The following CCDC192 variants were observed in gnomAD, a reference collection of about 807,000 sequenced individuals.
CCDC192 encodes coiled-coil domain-containing protein 192.
chr5:127,918,090 G>A (rs1580825116), intron 6 of CCDC192, among the ~76,000 whole-genome samples: 1 of 151,904 alleles, frequency 6.6e-6, no homozygotes, highest in African/African-American at 2.4e-5. Flanking sequence ...AGCTGAGATC[G>A]CACCACTGCA....
chr5:127,727,112 C>A (rs560182371), intron 2 of CCDC192, among the ~76,000 whole-genome samples: 1 of 152,162 alleles, frequency 6.6e-6, no homozygotes, highest in Admixed American at 6.5e-5. Context: ...GGGACCCTGA[C>A]AAATAGGGTC....
intron 5 of CCDC192, among the ~76,000 whole-genome samples, chr5:127,826,742 C>T (rs961060187): frequency 6.6e-5 from 10 of 150,454 alleles, no homozygotes; most frequent in Admixed American, 4.7e-4. Context: ...ACGTAATATA[C>T]CCAGGTAACA....
rs533079917 is a variant in CCDC192 at position 127,763,836 on chromosome 5, T to C, written c.222+9461T>C. 2.0e-3 allele frequency among the ~76,000 whole-genome samples: 310 copies of C among 152,288 alleles called. 1 individual carries two copies. Among genetic ancestry groups the C allele is most frequent in the African/African-American group, 6.9e-3 (287 of 41,560 alleles). On this transcript the variant is annotated intron_variant, in intron 3 of 6. Transcript: ENST00000514853. ...CTGCCTAGAATTTCTCTGCTAACTT[T>C]CTCTACTTCCTCTTATCGCCTTACT...
At chr5:127,757,632 T>C (rs1754672957) in intron 3 of CCDC192, among the ~76,000 whole-genome samples, 1 of 151,884 alleles carries the variant, frequency 6.6e-6, no homozygotes, top group African/African-American at 2.4e-5. Flanking sequence ...CTAAGAATGT[T>C]CTTGAGAATA....
chr5:127,912,188 C>G (rs1018628306), intron 6 of CCDC192, among the ~76,000 whole-genome samples: 1 of 151,648 alleles, frequency 6.6e-6, no homozygotes, highest in Admixed American at 6.6e-5. Flanking sequence ...TCTCAGCCTC[C>G]TAAAGTGCTG....
intron 2 of CCDC192, among the ~76,000 whole-genome samples, chr5:127,741,402 T>C (rs916145892): frequency 6.6e-6 from 1 of 152,198 alleles, no homozygotes; most frequent in African/African-American, 2.4e-5. Context: ...GTGACTAGCA[T>C]GTGATATTCC....
At chr5:127,757,106 A>G (rs1410515035) in intron 3 of CCDC192, among the ~76,000 whole-genome samples, 6 of 152,244 alleles carry the variant, frequency 3.9e-5, no homozygotes, top group Non-Finnish European at 7.3e-5. Flanking sequence ...TTTGTGGGAA[A>G]GACATGTAAG....
At chr5:127,926,801 G>T (rs1753874895) in intron 6 of CCDC192, among the ~76,000 whole-genome samples, 1 of 152,140 alleles carries the variant, frequency 6.6e-6, no homozygotes, top group South Asian at 2.1e-4. Context: ...CCACAGGAGG[G>T]AATGAAATGA....
At chr5:127,802,294 A>G (rs1001769297) in intron 5 of CCDC192, among the ~76,000 whole-genome samples, 5 of 152,142 alleles carry the variant, frequency 3.3e-5, no homozygotes, top group African/African-American at 1.2e-4. Flanking sequence ...TTTTATTCTG[A>G]TCATGTCATT....
chr5:127,813,050 A>G (rs1032253070), intron 5 of CCDC192, among the ~76,000 whole-genome samples: 1 of 152,154 alleles, frequency 6.6e-6, no homozygotes, highest in African/African-American at 2.4e-5. Context: ...CGTTTCTTTG[A>G]CATCCATTTT....
chr5:127,803,988 C>A (rs1324360867), intron 5 of CCDC192, among the ~76,000 whole-genome samples: 1 of 152,222 alleles, frequency 6.6e-6, no homozygotes, highest in Non-Finnish European at 1.5e-5. Context: ...TCCTGAACCA[C>A]TGAGGCCTGG....
intron 3 of CCDC192, chr5:127,784,795 C>T: frequency 2.1e-6 from 1 of 484,198 alleles, no homozygotes; most frequent in South Asian, 1.7e-5. Flanking sequence ...TCATGATTCT[C>T]ATGATGGCCA....
chr5:127,785,526 G>A (rs1021653370), intron 3 of CCDC192: 4 of 178,800 alleles, frequency 2.2e-5, no homozygotes, highest in Non-Finnish European at 4.8e-5. Flanking sequence ...GAGTTGGAAC[G>A]TAGTTATCGG....
chr5:127,726,986 A>C (rs1258491676), intron 2 of CCDC192, among the ~76,000 whole-genome samples: 1 of 152,148 alleles, frequency 6.6e-6, no homozygotes, highest in Admixed American at 6.5e-5. Flanking sequence ...ATTATACAGG[A>C]GCATTCCTGC....
At chr5:127,737,207 C>G (rs1753068655) in intron 2 of CCDC192, among the ~76,000 whole-genome samples, 1 of 151,982 alleles carries the variant, frequency 6.6e-6, no homozygotes, top group African/African-American at 2.4e-5. Flanking sequence ...CATTCAGGAG[C>G]AGGTTGTTCA....
At chr5:127,821,201 C>T (rs960575682) in intron 5 of CCDC192, among the ~76,000 whole-genome samples, 1 of 152,178 alleles carries the variant, frequency 6.6e-6, no homozygotes, top group East Asian at 1.9e-4. Context: ...TGCATCCTTT[C>T]GACATGGCCT....
intron 6 of CCDC192, among the ~76,000 whole-genome samples, chr5:127,925,883 G>A (rs558582716): frequency 5.7e-4 from 87 of 152,234 alleles, no homozygotes; most frequent in African/African-American, 2.1e-3. Flanking sequence ...AAGCCCATTT[G>A]TATTATCTTA....
intron 5 of CCDC192, among the ~76,000 whole-genome samples, chr5:127,806,258 A>T (rs1223891138): frequency 2.0e-5 from 3 of 152,166 alleles, no homozygotes; most frequent in African/African-American, 7.2e-5. Flanking sequence ...CTAATGTTTG[A>T]GTTGGGTTCA....
chr5:127,805,392 C>G (rs192357916), intron 5 of CCDC192, among the ~76,000 whole-genome samples: 2 of 152,296 alleles, frequency 1.3e-5, no homozygotes, highest in Admixed American at 6.5e-5. Context: ...TGATGTAAAG[C>G]TCCTGTTTTT....
Sources: allele counts gnomAD v4.1 joint callset (sites outside exome capture counted in the v4.1 genomes callset), GRCh38; gene constraint gnomAD v4.1.1; transcripts MANE v1.5; gene names NCBI Gene and HGNC (gene_info 2026-07-23, HGNC 2026-07-21).